AP2A2: variants seen among roughly 807,000 people sequenced by gnomAD.
AP2A2 encodes AP-2 complex subunit alpha-2.
AP2A2 carries 32 observed loss-of-function variants against 104.2 expected under a neutral mutation model. The observed-to-expected ratio is 0.31, with a 90% CI of 0.23 to 0.41. The LOEUF is 0.41. Ranked by LOEUF, AP2A2 falls within the 10% of genes least tolerant of loss-of-function variation. AP2A2 has a pLI of 1.00. For missense variants in AP2A2, 912 were observed against 1,261.0 expected, an observed-to-expected ratio of 0.72 and a Z score of 4.19; for synonymous variants, 539 against 533.3, an observed-to-expected ratio of 1.01 and a Z score of -0.15.
intron 1 of AP2A2, among the ~76,000 whole-genome samples, chr11:930,362 A>G (rs1853249831): frequency 6.6e-6 from 1 of 152,068 alleles, no homozygotes; most frequent in Non-Finnish European, 1.5e-5. Context: ...GAACTAACTT[A>G]ATGTCTCCTA....
chr11:987,420 C>T (rs1410715440), intron 9 of AP2A2, among the ~76,000 whole-genome samples: 3 of 151,854 alleles, frequency 2.0e-5, no homozygotes, highest in African/African-American at 4.8e-5. Context: ...GAGGCCGAGG[C>T]GGGTGGATCA....
chr11:989,889 G>A (rs929188504), intron 10 of AP2A2, among the ~76,000 whole-genome samples: 11 of 152,222 alleles, frequency 7.2e-5, no homozygotes, highest in African/African-American at 2.4e-4. Context: ...CAGCGCCTCC[G>A]TTGTATAGAA....
chr11:1,002,799 C>T (rs555570232), intron 15 of AP2A2, among the ~76,000 whole-genome samples: 33 of 152,352 alleles, frequency 2.2e-4, no homozygotes, highest in African/African-American at 7.5e-4. Flanking sequence ...TGACCTTGAT[C>T]GCCGCCATGT....
intron 1 of AP2A2, among the ~76,000 whole-genome samples, chr11:938,600 G>C (rs955905591): frequency 1.3e-5 from 2 of 151,110 alleles, no homozygotes; most frequent in African/African-American, 4.9e-5. Flanking sequence ...TCAGCCTCTC[G>C]AGTAGCTGGG....
intron 16 of AP2A2, 127 bp downstream of exon 16, chr11:1,003,931 T>TA: frequency 2.0e-6 from 1 of 489,218 alleles, no homozygotes; most frequent in African/African-American, 2.1e-5. Flanking sequence ...CATAACTCAG[T>TA]AAGAAAGCAG....
chr11:931,340 G>A (rs967281178), intron 1 of AP2A2, among the ~76,000 whole-genome samples: 1 of 152,208 alleles, frequency 6.6e-6, no homozygotes, highest in Admixed American at 6.5e-5. Flanking sequence ...CTGCAGAGGA[G>A]AGTTGTATCT....
At chr11:927,290 C>G (rs548939751) in intron 1 of AP2A2, among the ~76,000 whole-genome samples, 1 of 152,210 alleles carries the variant, frequency 6.6e-6, no homozygotes, top group African/African-American at 2.4e-5. Context: ...GTCTCGAAAT[C>G]CTGAGCTCAA....
intron 10 of AP2A2, among the ~76,000 whole-genome samples, chr11:989,593 C>T (rs1442528494): frequency 2.0e-5 from 3 of 152,216 alleles, no homozygotes; most frequent in African/African-American, 7.2e-5. Context: ...CTTAATGTCC[C>T]GTGTTGTTTT....
chr11:1,004,990 C>A (rs528655170), intron 16 of AP2A2, among the ~76,000 whole-genome samples: 1 of 152,224 alleles, frequency 6.6e-6, no homozygotes, highest in African/African-American at 2.4e-5. Flanking sequence ...TGGGTACAGA[C>A]CCCAGAGAAT....
In AP2A2 at chr11:1,011,221, T is replaced by C. The variant is rs201848628; in HGVS notation, c.*596T>C. 35 of 519,918 alleles carry C rather than the reference T, an allele frequency of 6.7e-5. No homozygotes were observed. Among genetic ancestry groups the C allele is most frequent in the Middle Eastern group, 3.2e-4 (1 of 3,154 alleles). The allele number at this position is 519,918 out of a possible 1,614,324, so 32.2% of individuals were successfully genotyped here. ...GGCAAAAGCACGTGTCCTGGCCGGA[T>C]GTAACTGTTCTCCTTTCCCAGCTCC... is the stretch of plus-strand genomic sequence containing the variant. On this transcript the variant is annotated 3_prime_UTR_variant, in exon 22 of 22. Coordinates refer to ENST00000448903, the MANE Select transcript of AP2A2 (RefSeq NM_012305.4).
At chr11:1,009,249 T>G (rs755995382) in intron 19 of AP2A2, 33 bp downstream of exon 19, 3 of 1,609,564 alleles carry the variant, frequency 1.9e-6, no homozygotes. Flanking sequence ...GGGTCAGGGG[T>G]GGGGACGGGG....
At position 1,007,998 on chromosome 11, in the gene AP2A2, C is replaced by T. The variant is rs1325457037; in HGVS notation, c.2297-14C>T. On this transcript the variant is annotated splice_polypyrimidine_tract_variant and intron_variant, in intron 17 of 21. Coordinates refer to ENST00000448903, the MANE Select transcript of AP2A2 (RefSeq NM_012305.4). ...CACTGGGACTTGCTCAGCTGGATTC[C>T]TTAACGCACGCACACCTGAACCTGC... 6.4e-7 allele frequency: 1 copy of T among 1,553,694 alleles called. No homozygotes were observed. Among genetic ancestry groups the T allele is most frequent in the South Asian group, 1.2e-5 (1 of 84,250 alleles).
At chr11:1,003,579 G>A (rs1856098927) in intron 15 of AP2A2, 143 bp from the exon 16 acceptor site, 2 of 547,070 alleles carry the variant, frequency 3.7e-6, no homozygotes, top group South Asian at 5.8e-5. Context: ...GATAGTCCTT[G>A]GAATAGTTTC....
At chr11:956,208 G>T (rs1164835330) in intron 1 of AP2A2, among the ~76,000 whole-genome samples, 1 of 151,934 alleles carries the variant, frequency 6.6e-6, no homozygotes, top group Non-Finnish European at 1.5e-5. Flanking sequence ...TCTTTCTGGG[G>T]ATGGAATCTT....
intron 9 of AP2A2, 132 bp from the exon 10 acceptor site, chr11:988,420 C>G: frequency 8.2e-7 from 1 of 1,216,404 alleles, no homozygotes; most frequent in East Asian, 2.3e-5. Flanking sequence ...CAGGTCGGCT[C>G]CCTGGACCTG....
In AP2A2 at chr11:988,554, T is replaced by C; in HGVS notation, c.1134T>C (p.Thr378=). 1 of 1,610,914 alleles carries C rather than the reference T, an allele frequency of 6.2e-7. No individual in the cohort carries two copies. The highest frequency in any genetic ancestry group is 8.5e-7 in the Non-Finnish European group (1 of 1,179,774). The change falls in exon 10 of 22, where the codon ACT becomes ACC. Residue 378 remains threonine, a splice_region_variant and synonymous_variant. Transcript: ENST00000448903. ...TTACTCTGTGCCTTGTTCCCCAGAC[T>C]GAGCGGGACGTGAGCGTGCGGCAGC... is the stretch of plus-strand genomic sequence containing the variant. ...HIETVINALK[T]ERDVSVRQRA...
chr11:992,816 C>T lies in AP2A2; in HGVS notation c.1452+131C>T, dbSNP rs1040000062. ...GACCCCTCTTGCCCCTCAGCTCTTC[C>T]CTGAGGCTCTAGCTCCTCCACTGTT... On this transcript the variant is annotated intron_variant, in intron 11 of 21. Coordinates refer to ENST00000448903, the MANE Select transcript of AP2A2 (RefSeq NM_012305.4). This position sits in a 1 kb window ranked among gnomAD's most constrained non-coding sequence, Gnocchi z 6.4. 2 of 921,390 alleles carry T rather than the reference C, an allele frequency of 2.2e-6. No individual in the cohort carries two copies. The highest frequency in any genetic ancestry group is 3.4e-6 in the Non-Finnish European group (2 of 592,854). The allele number at this position is 921,390 out of a possible 1,614,324, so 57.1% of individuals were successfully genotyped here.
chr11:934,907 G>A (rs1564779107), intron 1 of AP2A2, among the ~76,000 whole-genome samples: 2 of 150,828 alleles, frequency 1.3e-5, no homozygotes, highest in Non-Finnish European at 3.0e-5. Context: ...CACCCAGGCT[G>A]GAGTGCAGTG....
At chr11:1,009,847 C>A in intron 21 of AP2A2, 30 bp downstream of exon 21, 1 of 1,525,394 alleles carries the variant, frequency 6.6e-7, no homozygotes, top group Non-Finnish European at 8.9e-7. Context: ...GTGGAACACA[C>A]TTGAGTTGCT....
Sources: allele counts gnomAD v4.1 joint callset (sites outside exome capture counted in the v4.1 genomes callset), GRCh38; gene constraint gnomAD v4.1.1; non-coding constraint Gnocchi (gnomAD v3.1); transcripts MANE v1.5; gene names NCBI Gene and HGNC (gene_info 2026-07-23, HGNC 2026-07-21).